Variants in BMERB1 observed in about 807,000 individuals in gnomAD.
The protein encoded by BMERB1 is bMERB domain-containing protein 1.
In BMERB1, 12 loss-of-function variants were observed where a neutral mutation model predicts 23.6. The observed-to-expected ratio is 0.51, with a 90% CI of 0.33 to 0.82. The LOEUF (loss-of-function observed/expected upper bound fraction) is 0.82, where lower values mean the gene tolerates loss of function less well. Ranked by LOEUF, BMERB1 falls within the 40% of genes least tolerant of loss-of-function variation. The pLI, the probability that BMERB1 is intolerant of heterozygous loss-of-function variation, is 0.03. For missense variants in BMERB1, 247 were observed against 255.4 expected, an observed-to-expected ratio of 0.97 and a Z score of 0.22; for synonymous variants, 122 against 96.6, an observed-to-expected ratio of 1.26 and a Z score of -1.54.
chr16:15,461,948 C>G (rs1238677906), intron 1 of BMERB1, among the ~76,000 whole-genome samples: 1 of 151,764 alleles, frequency 6.6e-6, no homozygotes, highest in Non-Finnish European at 1.5e-5. Flanking sequence ...ACAACAACAA[C>G]AACAACAACA....
At chr16:15,557,470 A>G (rs913733536) in intron 2 of BMERB1, among the ~76,000 whole-genome samples, 2 of 152,240 alleles carry the variant, frequency 1.3e-5, no homozygotes, top group Non-Finnish European at 2.9e-5. Context: ...GGCATTGGAA[A>G]ATCATCATGA....
intron 2 of BMERB1, among the ~76,000 whole-genome samples, 182 bp from the exon 3 acceptor site, chr16:15,567,801 G>A (rs905985013): frequency 3.3e-5 from 5 of 152,178 alleles, no homozygotes; most frequent in African/African-American, 9.7e-5. Flanking sequence ...TCATTTCTAG[G>A]TGGTGGGATA....
intron 2 of BMERB1, among the ~76,000 whole-genome samples, chr16:15,567,477 G>T (rs921683784): frequency 6.6e-6 from 1 of 152,162 alleles, no homozygotes; most frequent in African/African-American, 2.4e-5. Flanking sequence ...GCCAGGCACC[G>T]CGGCTTATGC....
At chr16:15,463,070 A>G (rs2051149306) in intron 1 of BMERB1, among the ~76,000 whole-genome samples, 1 of 151,876 alleles carries the variant, frequency 6.6e-6, no homozygotes, top group African/African-American at 2.4e-5. Flanking sequence ...GAACATTGGG[A>G]TAAATTTCTT....
chr16:15,477,874 C>T (rs2051287048), intron 1 of BMERB1, among the ~76,000 whole-genome samples: 2 of 152,132 alleles, frequency 1.3e-5, no homozygotes, highest in African/African-American at 4.8e-5. Context: ...TTCTCCTTTT[C>T]ACCTTTCAGA....
At chr16:15,474,731 C>G (rs972455553) in intron 1 of BMERB1, among the ~76,000 whole-genome samples, 2 of 151,738 alleles carry the variant, frequency 1.3e-5, no homozygotes, top group African/African-American at 2.4e-5. Context: ...CTCTATTGCC[C>G]AGGCTGGAGT....
chr16:15,515,393 A>C lies in BMERB1; in HGVS notation c.195A>C (p.Glu65Asp). The change falls in exon 2 of 6, where the codon GAA (glutamate) becomes GAC (aspartate). Residue 65 changes from glutamate to aspartate, a missense_variant. By Grantham distance (45) the Glu-to-Asp change is conservative. Transcript: ENST00000300006. Reference protein sequence around the residue: ...LEMAKIQRLREVLVRRESELR... With the variant: ...LEMAKIQRLRDVLVRRESELR... ...TGGCAAAAATTCAGCGTCTCCGGGAAGTCTTGGTCCGCCGGGAGTCTGAGC... is the reference window on the plus strand; with the variant it reads ...TGGCAAAAATTCAGCGTCTCCGGGACGTCTTGGTCCGCCGGGAGTCTGAGC... The C allele has an allele frequency of 6.2e-7, 1 of 1,614,062 alleles. No individual in the cohort carries two copies. Among genetic ancestry groups the C allele is most frequent in the South Asian group, 1.1e-5 (1 of 91,066 alleles).
chr16:15,469,631 T>C (rs769166155), intron 1 of BMERB1, among the ~76,000 whole-genome samples: 4 of 152,198 alleles, frequency 2.6e-5, no homozygotes, highest in Non-Finnish European at 5.9e-5. Flanking sequence ...ACAATATGTC[T>C]CCCGATTTAT....
At chr16:15,469,496 G>A (rs1480955205) in intron 1 of BMERB1, among the ~76,000 whole-genome samples, 3 of 152,078 alleles carry the variant, frequency 2.0e-5, no homozygotes, top group Admixed American at 6.5e-5. Flanking sequence ...ATAAAATTTA[G>A]AGTAATATCG....
chr16:15,566,734 A>G (rs1228888114), intron 2 of BMERB1, among the ~76,000 whole-genome samples: 2 of 152,210 alleles, frequency 1.3e-5, no homozygotes, highest in African/African-American at 4.8e-5. Flanking sequence ...ATGGTATACT[A>G]TGCAGCCACT....
chr16:15,504,420 T>C (rs1012357311), intron 1 of BMERB1, among the ~76,000 whole-genome samples: 5 of 152,112 alleles, frequency 3.3e-5, no homozygotes, highest in African/African-American at 1.2e-4. Flanking sequence ...GGGGAATTCT[T>C]TATGCTCTTT....
intron 1 of BMERB1, among the ~76,000 whole-genome samples, chr16:15,487,351 T>A (rs1005512965): frequency 2.0e-5 from 3 of 152,220 alleles, no homozygotes; most frequent in Admixed American, 2.0e-4. Context: ...TCTTAGTTTA[T>A]AAAAGACAAG....
chr16:15,568,333 A>G (rs192251130), intron 3 of BMERB1, among the ~76,000 whole-genome samples: 2 of 152,346 alleles, frequency 1.3e-5, no homozygotes, highest in Non-Finnish European at 2.9e-5. Context: ...GGTCTAATTC[A>G]TTGAGTATAA....
In BMERB1 at chr16:15,434,704, G is replaced by C; in HGVS notation, c.51G>C (p.Leu17=). 1 of 1,613,008 alleles carries C rather than the reference G, an allele frequency of 6.2e-7. No homozygotes were observed. The highest frequency in any genetic ancestry group is 1.1e-5 in the South Asian group (1 of 91,074). The change falls in exon 1 of 6, where the codon CTG becomes CTC. Residue 17 remains leucine, a synonymous_variant. Coordinates refer to ENST00000300006, the MANE Select transcript of BMERB1 (RefSeq NM_033201.3). ...LSTHLEAEKP[L]RRYGAVEETA... is the part of the protein sequence containing the mutation. ...CCCATCTGGAAGCCGAGAAGCCTCT[G>C]AGGCGCTATGGGGCGGTGGAGGAGA...
At chr16:15,539,886 G>A (rs1488414564) in intron 2 of BMERB1, among the ~76,000 whole-genome samples, 1 of 151,986 alleles carries the variant, frequency 6.6e-6, no homozygotes, top group Non-Finnish European at 1.5e-5. Flanking sequence ...TTCAGGCAAG[G>A]CCTAGTGGCT....
At chr16:15,538,469 G>T (rs917592266) in intron 2 of BMERB1, among the ~76,000 whole-genome samples, 2 of 151,226 alleles carry the variant, frequency 1.3e-5, no homozygotes, top group Non-Finnish European at 2.9e-5. Flanking sequence ...AAAAAAAAAG[G>T]CTCTTAGATT....
intron 3 of BMERB1, among the ~76,000 whole-genome samples, chr16:15,572,012 C>T (rs761401426): frequency 1.3e-5 from 2 of 152,230 alleles, no homozygotes; most frequent in South Asian, 4.1e-4. Context: ...TCTCTTTTTC[C>T]CAGGTGCCTC....
chr16:15,582,677 C>A (rs774740353), intron 4 of BMERB1, among the ~76,000 whole-genome samples: 3 of 152,104 alleles, frequency 2.0e-5, no homozygotes, highest in Admixed American at 6.5e-5. Flanking sequence ...ACGATTGCAC[C>A]ATTGCACTCC....
intron 2 of BMERB1, among the ~76,000 whole-genome samples, chr16:15,550,044 G>A (rs1350295319): frequency 6.6e-6 from 1 of 151,686 alleles, no homozygotes; most frequent in African/African-American, 2.4e-5. Context: ...CCACCTCCCG[G>A]GTTCACGCCA....
Sources: allele counts gnomAD v4.1 joint callset (sites outside exome capture counted in the v4.1 genomes callset), GRCh38; gene constraint gnomAD v4.1.1; transcripts MANE v1.5; gene names NCBI Gene and HGNC (gene_info 2026-07-23, HGNC 2026-07-21).